CREG1: variants seen among roughly 807,000 people sequenced by gnomAD.
The protein encoded by CREG1 is protein CREG1.
CREG1 carries 20 observed loss-of-function variants against 19.9 expected under a neutral mutation model. The ratio of observed to expected loss-of-function variants is 1.01; its 90% CI spans 0.71 to 1.46. The LOEUF (loss-of-function observed/expected upper bound fraction) is 1.46, where lower values mean the gene tolerates loss of function less well. CREG1 is among the 40% of genes most tolerant of loss of function. The pLI is 0.00. For synonymous variants in CREG1, 141 were observed against 143.3 expected, an observed-to-expected ratio of 0.98 and a Z score of 0.12; for missense variants, 290 against 314.9, an observed-to-expected ratio of 0.92 and a Z score of 0.60.
rs1166304937 is a variant in CREG1 at position 167,541,885 on chromosome 1, G to A, written c.*413C>T. Reference sequence around the variant, plus strand: ...AGGCAGCTCAGGAGGCAGCTGTGGTGAGTGATGCACTCTACCAAGCACAGT... The same window carrying A: ...AGGCAGCTCAGGAGGCAGCTGTGGTAAGTGATGCACTCTACCAAGCACAGT... On this transcript the variant is annotated 3_prime_UTR_variant, in exon 4 of 4. Coordinates refer to ENST00000370509, the MANE Select transcript of CREG1 (RefSeq NM_003851.3). 6.4e-6 allele frequency: 1 copy of A among 155,258 alleles called. No homozygotes were observed. Among genetic ancestry groups the A allele is most frequent in the African/African-American group, 2.4e-5 (1 of 41,516 alleles). The allele number at this position is 155,258 out of a possible 1,614,324, so 9.6% of individuals were successfully genotyped here.
At position 167,547,955 on chromosome 1, in the gene CREG1, C is replaced by A. The variant is rs185536697; in HGVS notation, c.474+47G>T. The A allele has an allele frequency of 1.4e-5, 22 of 1,574,348 alleles. No homozygotes were observed. In the South Asian group the frequency reaches 2.2e-4, roughly 16 times the overall value. On this transcript the variant is annotated intron_variant, in intron 2 of 3. Coordinates refer to ENST00000370509, the MANE Select transcript of CREG1 (RefSeq NM_003851.3). ...ATGATCTATTCTTTCATTGTGAATA[C>A]GATGGTGTTCTGAAACCATCTCCCT...
chr1:167,552,071 C>T (rs916629676), intron 1 of CREG1, among the ~76,000 whole-genome samples: 2 of 152,158 alleles, frequency 1.3e-5, no homozygotes, highest in African/African-American at 4.8e-5. Context: ...TAGGCCAAAC[C>T]GGTCTGTGGG....
chr1:167,544,333 C>T (rs1334028378), intron 3 of CREG1, among the ~76,000 whole-genome samples: 1 of 151,876 alleles, frequency 6.6e-6, no homozygotes, highest in Non-Finnish European at 1.5e-5. Context: ...AAATTAGAAA[C>T]AAAACAAAAC....
intron 1 of CREG1, among the ~76,000 whole-genome samples, 188 bp downstream of exon 1, chr1:167,553,200 A>G (rs1370019618): frequency 6.6e-6 from 1 of 152,166 alleles, no homozygotes; most frequent in Non-Finnish European, 1.5e-5. Context: ...GCTTGTGGGA[A>G]ATTCCTGGTA....
rs150841373 is a variant in CREG1 at position 167,548,197 on chromosome 1, C to T, written c.355-76G>A. 321 of 1,188,824 alleles carry T rather than the reference C, an allele frequency of 2.7e-4. 2 individuals are homozygous for T. In the African/African-American group the frequency reaches 4.4e-3, roughly 16 times the overall value. The allele number at this position is 1,188,824 out of a possible 1,614,324, so 73.6% of individuals were successfully genotyped here. On this transcript the variant is annotated intron_variant, in intron 1 of 3. Coordinates refer to ENST00000370509, the MANE Select transcript of CREG1 (RefSeq NM_003851.3). ...GGTAATAAATTTCAAAAGTTGCATA[C>T]ATGATGTCCCTAGAGCTTGACTGGT...
At chr1:167,549,447 C>G in intron 1 of CREG1, among the ~76,000 whole-genome samples, 1 of 150,332 alleles carries the variant, frequency 6.7e-6, no homozygotes, top group South Asian at 2.1e-4. Flanking sequence ...TGCAGTGGTG[C>G]GATCTCAGCT....
chr1:167,542,156 A>G lies in CREG1; in HGVS notation c.*142T>C. ...ACTCTATTGGTAAACAAGCAAGTAA[A>G]CAAGCAAGCAAACAAACCAGCATGT... On this transcript the variant is annotated 3_prime_UTR_variant, in exon 4 of 4. Coordinates refer to ENST00000370509, the MANE Select transcript of CREG1 (RefSeq NM_003851.3). The G allele has an allele frequency of 1.5e-6, 1 of 653,740 alleles. No homozygotes were observed. Among genetic ancestry groups the G allele is most frequent in the East Asian group, 3.0e-5 (1 of 33,172 alleles). The allele number at this position is 653,740 out of a possible 1,614,324, so 40.5% of individuals were successfully genotyped here.
At chr1:167,551,859 A>G (rs1040528829) in intron 1 of CREG1, among the ~76,000 whole-genome samples, 6 of 152,244 alleles carry the variant, frequency 3.9e-5, no homozygotes, top group African/African-American at 1.4e-4. Context: ...GCTGGGAATA[A>G]GAAAATGGTG....
chr1:167,545,596 G>T (rs527712991), intron 3 of CREG1, among the ~76,000 whole-genome samples: 210 of 152,212 alleles, frequency 1.4e-3, no homozygotes, highest in African/African-American at 4.7e-3. Context: ...GGAGGCTGAG[G>T]CAGGCAGACT....
rs903758546 is a variant in CREG1 at position 167,553,332 on chromosome 1, G to C, written c.354+56C>G. The C allele has an allele frequency of 4.0e-6, 5 of 1,249,088 alleles. 1 individual carries two copies. In the Admixed American group the frequency reaches 1.6e-4, roughly 40 times the overall value. The allele number at this position is 1,249,088 out of a possible 1,614,324, so 77.4% of individuals were successfully genotyped here. ...AGAATTCTGGGGAGAGTGAAGGCTC[G>C]CTCTGTGGCCGCCCCGCCCACAGCC... On this transcript the variant is annotated intron_variant, in intron 1 of 3. Transcript: ENST00000370509.
intron 3 of CREG1, among the ~76,000 whole-genome samples, chr1:167,544,607 G>C (rs1359008818): frequency 6.6e-6 from 1 of 152,086 alleles, no homozygotes; most frequent in African/African-American, 2.4e-5. Context: ...ATCATGGATA[G>C]AAGTCAGGTG....
chr1:167,552,187 C>T (rs912843731), intron 1 of CREG1, among the ~76,000 whole-genome samples: 1 of 152,134 alleles, frequency 6.6e-6, no homozygotes, highest in Admixed American at 6.5e-5. Flanking sequence ...AGTTACTTAA[C>T]CTAGGTAGGC....
Position 167,542,259 on chromosome 1 carries a change from GAAACTTC to G in CREG1, c.*32_*38del, listed in dbSNP as rs780455772. On this transcript the variant is annotated 3_prime_UTR_variant, in exon 4 of 4. Transcript: ENST00000370509. The stretch of plus-strand genomic sequence containing the variant: ...TTTAAGTGTGTATGAGCCACTTTAA[GAAACTTC>G]ATAAGTGTTGCTAAATTCACCACAG... 6.3e-7 allele frequency: 1 copy of G among 1,582,358 alleles called. No individual in the cohort carries two copies. The highest frequency in any genetic ancestry group is 8.6e-7 in the Non-Finnish European group (1 of 1,166,672).
Position 167,542,285 on chromosome 1 carries a change from A to G in CREG1, c.*13T>C, listed in dbSNP as rs1656240411. 6.2e-7 allele frequency: 1 copy of G among 1,601,128 alleles called. No homozygotes were observed. The highest frequency in any genetic ancestry group is 1.3e-5 in the African/African-American group (1 of 74,218). On this transcript the variant is annotated 3_prime_UTR_variant, in exon 4 of 4. Transcript: ENST00000370509. Reference sequence around the variant, plus strand: ...AAACTTCATAAGTGTTGCTAAATTCACCACAGTCTGCTTCACCTAGAAAGG... The same window carrying G: ...AAACTTCATAAGTGTTGCTAAATTCGCCACAGTCTGCTTCACCTAGAAAGG...
In CREG1 at chr1:167,546,325, A is replaced by G. The variant is rs755543437; in HGVS notation, c.475-40T>C. On this transcript the variant is annotated intron_variant, in intron 2 of 3. Coordinates refer to ENST00000370509, the MANE Select transcript of CREG1 (RefSeq NM_003851.3). ...TGAAATAAACATTCTTATGGCAGTAACACTTTATCTTCTCATTTGTTAAGA... is the reference window on the plus strand; with the variant it reads ...TGAAATAAACATTCTTATGGCAGTAGCACTTTATCTTCTCATTTGTTAAGA... 1.5e-5 allele frequency: 20 copies of G among 1,311,226 alleles called. No homozygotes were observed. In the South Asian group the frequency reaches 2.6e-4, roughly 17 times the overall value. 81.2% of individuals were successfully genotyped at this position (1,311,226 alleles called of 1,614,324 possible).
Position 167,553,572 on chromosome 1 carries a change from C to G in CREG1, c.170G>C (p.Arg57Pro). ...GACGTGCGTCACGAAGCGGGCCACG[C>G]GCGCCGCGTCCTCGCGGGGTGGTAG... ...PPLPPREDAA[R>P]VARFVTHVSD... Residue 57 changes from arginine (R) to proline (P), a missense_variant, in exon 1 of 4, where the codon CGC (arginine) becomes CCC (proline). Coordinates refer to ENST00000370509, the MANE Select transcript of CREG1 (RefSeq NM_003851.3). 6.9e-7 allele frequency: 1 copy of G among 1,444,780 alleles called. No homozygotes were observed. The highest frequency in any genetic ancestry group is 1.4e-5 in the South Asian group (1 of 73,426). The allele number at this position is 1,444,780 out of a possible 1,614,324, so 89.5% of individuals were successfully genotyped here. A position where few individuals can be genotyped will look rare whatever the true frequency, so the allele number is the denominator to read the frequency against.
chr1:167,542,345 A>G, intron 3 of CREG1, 44 bp from the exon 4 acceptor site: 1 of 1,564,756 alleles, frequency 6.4e-7, no homozygotes. Flanking sequence ...AAACTGGGTT[A>G]ACAAATCTTA....
At position 167,548,038 on chromosome 1, in the gene CREG1, AAGGGG is replaced by A. The variant is rs2102151049; in HGVS notation, c.433_437del (p.Pro145LeufsTer15). On this transcript the variant is annotated frameshift_variant, in exon 2 of 4. Transcript: ENST00000370509. LOFTEE classifies it high-confidence loss of function. The stretch of plus-strand genomic sequence containing the variant: ...TTCCTGACAGCATTATGTGAACACA[AAGGGG>A]ACTTTGTGGATCAAATCCATGTTTC... 1.2e-6 allele frequency: 2 copies of A among 1,613,986 alleles called. No individual in the cohort carries two copies. Among genetic ancestry groups the A allele is most frequent in the South Asian group, 2.2e-5 (2 of 91,082 alleles).
chr1:167,550,721 C>G (rs745435305), intron 1 of CREG1, among the ~76,000 whole-genome samples: 1 of 151,890 alleles, frequency 6.6e-6, no homozygotes, highest in Non-Finnish European at 1.5e-5. Flanking sequence ...GGCAAAGTAA[C>G]GAAGCAAAAA....
Sources: allele counts gnomAD v4.1 joint callset (sites outside exome capture counted in the v4.1 genomes callset), GRCh38; gene constraint gnomAD v4.1.1; transcripts MANE v1.5; gene names NCBI Gene and HGNC (gene_info 2026-07-23, HGNC 2026-07-21).